The following SDC2 variants were observed in gnomAD, a reference collection of about 807,000 sequenced individuals.
SDC2 encodes syndecan-2.
SDC2 carries 13 observed loss-of-function variants against 22.2 expected under a neutral mutation model. The observed-to-expected ratio is 0.59, with a 90% CI of 0.38 to 0.93. The LOEUF is 0.93. Ranked by LOEUF, SDC2 falls within the 40% of genes least tolerant of loss-of-function variation. SDC2 has a pLI of 0.00. For missense variants in SDC2, 235 were observed against 246.8 expected (o/e 0.95, Z 0.32); for synonymous variants, 94 against 92.8 (o/e 1.01, Z -0.07).
At chr8:96,513,085 T>G (rs577575010) in intron 1 of SDC2, among the ~76,000 whole-genome samples, 2 of 152,306 alleles carry the variant, frequency 1.3e-5, no homozygotes, top group South Asian at 4.2e-4. Context: ...TCGCAAGCTT[T>G]AGAAGAAAAT....
intron 1 of SDC2, among the ~76,000 whole-genome samples, chr8:96,534,423 T>G (rs1013059602): frequency 4.6e-5 from 7 of 152,228 alleles, no homozygotes; most frequent in African/African-American, 7.2e-5. Context: ...GACTGTTTCA[T>G]GCCAGTGGCT....
intron 1 of SDC2, among the ~76,000 whole-genome samples, chr8:96,524,171 G>A (rs939837366): frequency 3.9e-5 from 6 of 152,236 alleles, no homozygotes; most frequent in Non-Finnish European, 5.9e-5. Context: ...TGCCTGCACG[G>A]TGCTGACTTT....
At chr8:96,530,209 A>T (rs1357321449) in intron 1 of SDC2, among the ~76,000 whole-genome samples, 1 of 152,152 alleles carries the variant, frequency 6.6e-6, no homozygotes, top group Non-Finnish European at 1.5e-5. Flanking sequence ...GGTGGAGTGC[A>T]TGTGGGGAAT....
intron 1 of SDC2, among the ~76,000 whole-genome samples, chr8:96,550,804 A>G (rs948303639): frequency 6.6e-6 from 1 of 152,200 alleles, no homozygotes; most frequent in African/African-American, 2.4e-5. Flanking sequence ...ATTATTTTTC[A>G]TCAGCCTCAG....
intron 2 of SDC2, among the ~76,000 whole-genome samples, chr8:96,594,344 C>T (rs1814836949): frequency 1.3e-5 from 2 of 152,104 alleles, no homozygotes; most frequent in Non-Finnish European, 2.9e-5. Flanking sequence ...CTTTCGGGTA[C>T]TCATATCCCT....
In SDC2 at chr8:96,611,673, G is replaced by A. The variant is rs1028483068; in HGVS notation, c.*2125G>A. ...AGAATAACAACTGCTGGGAATATCC[G>A]TGCCAGGAAAAGAAAAATTTCTGGC... is the stretch of plus-strand genomic sequence containing the variant. On this transcript the variant is annotated 3_prime_UTR_variant, in exon 5 of 5. Coordinates refer to ENST00000302190, the MANE Select transcript of SDC2 (RefSeq NM_002998.4). 3.3e-5 allele frequency: 5 copies of A among 152,558 alleles called. No homozygotes were observed. Among genetic ancestry groups the A allele is most frequent in the Admixed American group, 1.3e-4 (2 of 15,252 alleles). 9.5% of individuals were successfully genotyped at this position (152,558 alleles called of 1,614,324 possible).
At chr8:96,594,004 A>G (rs1284735482) in intron 2 of SDC2, among the ~76,000 whole-genome samples, 1 of 152,174 alleles carries the variant, frequency 6.6e-6, no homozygotes, top group African/African-American at 2.4e-5. Flanking sequence ...GTTTCATAAA[A>G]CCACCTACCC....
intron 1 of SDC2, among the ~76,000 whole-genome samples, chr8:96,525,452 G>A (rs1175838197): frequency 6.6e-6 from 1 of 152,190 alleles, no homozygotes; most frequent in Non-Finnish European, 1.5e-5. Flanking sequence ...TCCCATTAGA[G>A]TGAGGCTGCA....
intron 1 of SDC2, among the ~76,000 whole-genome samples, chr8:96,514,733 G>A (rs1467142562): frequency 6.6e-6 from 1 of 152,128 alleles, no homozygotes; most frequent in Non-Finnish European, 1.5e-5. Flanking sequence ...CACAAGGAGT[G>A]TGCAAACTAG....
rs192627140 is a variant in SDC2, at chr8:96,550,687, G to C, written c.61-42793G>C. Among the ~76,000 whole-genome samples the C allele has an allele frequency of 1.5e-4, 23 of 152,294 alleles. 1 individual carries two copies. Among genetic ancestry groups the C allele is most frequent in the Non-Finnish European group, 7.4e-5 (5 of 68,024 alleles). ...CCAAACAAGACCCCTGACCTCTGCTGTATAGGCAGATTTCATTAGCAAATC... is the reference window on the plus strand; with the variant it reads ...CCAAACAAGACCCCTGACCTCTGCTCTATAGGCAGATTTCATTAGCAAATC... On this transcript the variant is annotated intron_variant, in intron 1 of 4. Coordinates refer to ENST00000302190, the MANE Select transcript of SDC2 (RefSeq NM_002998.4).
chr8:96,585,853 GTTT>G (rs199970598), intron 1 of SDC2, among the ~76,000 whole-genome samples: 16 of 145,420 alleles, frequency 1.1e-4, no homozygotes, highest in African/African-American at 4.1e-4. Context: ...CTGGCAAGAG[GTTT>G]TTTTTTTTTT....
At chr8:96,607,694 G>C (rs1243601770) in intron 3 of SDC2, among the ~76,000 whole-genome samples, 1 of 152,176 alleles carries the variant, frequency 6.6e-6, no homozygotes, top group East Asian at 1.9e-4. Context: ...GACCCAGTGA[G>C]TGTCGTTCAT....
intron 1 of SDC2, among the ~76,000 whole-genome samples, chr8:96,561,105 AAATAAT>A (rs1048047301): frequency 6.6e-6 from 1 of 152,180 alleles, no homozygotes; most frequent in Admixed American, 6.5e-5. Flanking sequence ...TGCTGTCTCA[AAATAAT>A]AATAATAATC....
chr8:96,506,243 A>T (rs1049833145), intron 1 of SDC2, among the ~76,000 whole-genome samples: 2 of 152,226 alleles, frequency 1.3e-5, no homozygotes, highest in African/African-American at 4.8e-5. Flanking sequence ...TACAAAAGGT[A>T]GAAAGAGTAA....
chr8:96,503,430 A>G (rs919253437), intron 1 of SDC2, among the ~76,000 whole-genome samples: 1 of 152,246 alleles, frequency 6.6e-6, no homozygotes, highest in South Asian at 2.1e-4. Context: ...ATATAAACCT[A>G]TGTATAGTGA....
chr8:96,553,538 G>C (rs1814060344), intron 1 of SDC2, among the ~76,000 whole-genome samples: 1 of 151,174 alleles, frequency 6.6e-6, no homozygotes, highest in African/African-American at 2.4e-5. Flanking sequence ...ATGGGAAGTT[G>C]TAGAGATAAG....
intron 1 of SDC2, among the ~76,000 whole-genome samples, chr8:96,528,259 G>T (rs1813608346): frequency 2.0e-5 from 3 of 152,122 alleles, no homozygotes; most frequent in Admixed American, 1.3e-4. Context: ...TTTGATCTCT[G>T]AGAAAGAGGA....
chr8:96,538,085 C>T (rs1813783138), intron 1 of SDC2, among the ~76,000 whole-genome samples: 1 of 152,196 alleles, frequency 6.6e-6, no homozygotes, highest in Non-Finnish European at 1.5e-5. Flanking sequence ...GCCTCAGCCT[C>T]CTGAGTAGCT....
At chr8:96,496,794 A>G (rs890999320) in intron 1 of SDC2, among the ~76,000 whole-genome samples, 2 of 152,174 alleles carry the variant, frequency 1.3e-5, no homozygotes, top group Non-Finnish European at 2.9e-5. Context: ...GGTTCTCAGG[A>G]ACTAAGGCTC....
Sources: gnomAD v4.1 joint callset for allele counts (sites outside exome capture counted in the v4.1 genomes callset) on GRCh38, gnomAD v4.1.1 for gene constraint, MANE v1.5 for transcripts, NCBI Gene and HGNC (gene_info 2026-07-23, HGNC 2026-07-21) for gene names.